The following PAPPA2 variants were observed in gnomAD, a reference collection of about 807,000 sequenced individuals.
The protein encoded by PAPPA2 is pappalysin-2.
Under a neutral mutation model 176.4 loss-of-function variants are expected in PAPPA2, and 86 were observed. The ratio of observed to expected loss-of-function variants is 0.49; its 90% confidence interval spans 0.41 to 0.58. PAPPA2 has a LOEUF of 0.58. Among genes scored for constraint, PAPPA2 ranks in the 20% least tolerant of loss-of-function variants. The pLI is 0.00. For synonymous variants in PAPPA2, 809 were observed against 852.2 expected (o/e 0.95, Z 0.88); for missense variants, 2,073 against 2,256.9 (o/e 0.92, Z 1.65).
At chr1:176,571,120 A>G (rs1020268784) in intron 2 of PAPPA2, among the ~76,000 whole-genome samples, 1 of 152,088 alleles carries the variant, frequency 6.6e-6, no homozygotes, top group African/African-American at 2.4e-5. Context: ...ATGGAGGACA[A>G]TCTGGCTCCT....
chr1:176,634,035 C>CG (rs1458323847), intron 3 of PAPPA2, among the ~76,000 whole-genome samples: 3 of 152,144 alleles, frequency 2.0e-5, no homozygotes, highest in African/African-American at 7.2e-5. Flanking sequence ...GACAGTGTGG[C>CG]GATTCCTCGG....
At chr1:176,464,201 A>T (rs1651509726) in intron 1 of PAPPA2, among the ~76,000 whole-genome samples, 1 of 152,092 alleles carries the variant, frequency 6.6e-6, no homozygotes, top group Non-Finnish European at 1.5e-5. Flanking sequence ...TATGCCTATG[A>T]CCTCATACTC....
At chr1:176,479,540 C>G (rs2102476694) in intron 1 of PAPPA2, among the ~76,000 whole-genome samples, 1 of 152,280 alleles carries the variant, frequency 6.6e-6, no homozygotes, top group African/African-American at 2.4e-5. Flanking sequence ...AGGGAGGAGA[C>G]AGTGTGATTC....
intron 3 of PAPPA2, among the ~76,000 whole-genome samples, chr1:176,607,271 T>A (rs910631741): frequency 1.3e-5 from 2 of 152,184 alleles, no homozygotes; most frequent in African/African-American, 4.8e-5. Context: ...TGTTGTTAAC[T>A]ATAGTCACTC....
At chr1:176,475,962 T>C (rs1030434719) in intron 1 of PAPPA2, among the ~76,000 whole-genome samples, 2 of 152,200 alleles carry the variant, frequency 1.3e-5, no homozygotes, top group Admixed American at 1.3e-4. Flanking sequence ...TTGCAGGCAG[T>C]GTGCAATTTT....
At chr1:176,756,045 A>T (rs1663403463) in intron 14 of PAPPA2, among the ~76,000 whole-genome samples, 1 of 152,018 alleles carries the variant, frequency 6.6e-6, no homozygotes, top group South Asian at 2.1e-4. Flanking sequence ...TGCAATGTCC[A>T]TCTCCCGGGT....
chr1:176,695,886 A>G, intron 7 of PAPPA2, 27 bp downstream of exon 7: 2 of 1,610,978 alleles, frequency 1.2e-6, no homozygotes, highest in Non-Finnish European at 1.7e-6. Flanking sequence ...TTTTTTCTTT[A>G]TACCCTGGTG....
Position 176,791,403 on chromosome 1 carries a change from G to A in PAPPA2, c.4941G>A (p.Glu1647=). Residue 1647 remains glutamate (E), a synonymous_variant, in exon 19 of 23, where the codon GAG becomes GAA. Coordinates refer to ENST00000367662, the MANE Select transcript of PAPPA2 (RefSeq NM_020318.3). ...GLWTQEFKLC[E]NLQGECPPPP... is the part of the protein sequence containing the mutation. ...GGACCCAGGAGTTTAAGTTGTGTGAGAATCTGCAAGGAGAATGCCCACCAC... is the reference window on the plus strand; with the variant it reads ...GGACCCAGGAGTTTAAGTTGTGTGAAAATCTGCAAGGAGAATGCCCACCAC... 1 of 1,612,788 alleles carries A rather than the reference G, an allele frequency of 6.2e-7. No individual in the cohort carries two copies. Among genetic ancestry groups the A allele is most frequent in the Non-Finnish European group, 8.5e-7 (1 of 1,178,942 alleles).
chr1:176,800,139 T>G lies in PAPPA2; in HGVS notation c.5202+7T>G. The G allele has an allele frequency of 6.2e-7, 1 of 1,613,860 alleles. No individual in the cohort carries two copies. The highest frequency in any genetic ancestry group is 8.5e-7 in the Non-Finnish European group (1 of 1,179,802). On this transcript the variant is annotated splice_region_variant and intron_variant, in intron 21 of 22. Transcript: ENST00000367662. ...CTGCATCCAGTCATGTGAGGTAAGATAGCCTCCCCTTCCCCAACTCAGACT... is the reference window on the plus strand; with the variant it reads ...CTGCATCCAGTCATGTGAGGTAAGAGAGCCTCCCCTTCCCCAACTCAGACT...
At chr1:176,517,675 T>C (rs1648990480) in intron 1 of PAPPA2, among the ~76,000 whole-genome samples, 1 of 152,102 alleles carries the variant, frequency 6.6e-6, no homozygotes, top group South Asian at 2.1e-4. Flanking sequence ...TGTAGGTCAG[T>C]GAGTCAGGCA....
intron 18 of PAPPA2, 125 bp downstream of exon 18, chr1:176,790,102 G>C: frequency 9.0e-7 from 1 of 1,110,546 alleles, no homozygotes; most frequent in Non-Finnish European, 1.3e-6. Context: ...ATTCTAATCG[G>C]GAGTGTTGGT....
rs1023647533 is a variant in PAPPA2 at position 176,698,982 on chromosome 1, C to G, written c.2747-118C>G. The G allele has an allele frequency of 5.2e-6, 7 of 1,339,158 alleles. No individual in the cohort carries two copies. In the Admixed American group the frequency reaches 1.1e-4, roughly 22 times the overall value. The allele number at this position is 1,339,158 out of a possible 1,614,324, so 83.0% of individuals were successfully genotyped here. A position where few individuals can be genotyped will look rare whatever the true frequency, so the allele number is the denominator to read the frequency against. ...AGATCTAACCTGCTAAGATGACCAA[C>G]TTCTACAGGAATTCTAAAAGTTCTC... On this transcript the variant is annotated intron_variant, in intron 7 of 22. Coordinates refer to ENST00000367662, the MANE Select transcript of PAPPA2 (RefSeq NM_020318.3).
At chr1:176,695,630 TA>T in intron 6 of PAPPA2, 107 bp from the exon 7 acceptor site, 2 of 1,296,554 alleles carry the variant, frequency 1.5e-6, no homozygotes, top group Non-Finnish European at 1.1e-6. Flanking sequence ...AGGTCCTTAC[TA>T]ACCATCAACC....
intron 4 of PAPPA2, among the ~76,000 whole-genome samples, chr1:176,685,527 G>A (rs1659796099): frequency 6.6e-6 from 1 of 152,196 alleles, no homozygotes; most frequent in Non-Finnish European, 1.5e-5. Flanking sequence ...TCTAGCTTCA[G>A]AAGATAATGC....
chr1:176,712,444 T>A (rs1052521916), intron 12 of PAPPA2, among the ~76,000 whole-genome samples: 14 of 152,224 alleles, frequency 9.2e-5, no homozygotes, highest in Non-Finnish European at 1.5e-4. Flanking sequence ...TTACAGTATG[T>A]ACTCTTTGCA....
intron 2 of PAPPA2, among the ~76,000 whole-genome samples, chr1:176,578,730 CAGAG>C (rs1225007380): frequency 6.6e-6 from 1 of 152,122 alleles, no homozygotes; most frequent in Non-Finnish European, 1.5e-5. Context: ...GCATTTCAGA[CAGAG>C]AGAGATACGT....
At chr1:176,486,296 T>C (rs1367030747) in intron 1 of PAPPA2, among the ~76,000 whole-genome samples, 1 of 152,220 alleles carries the variant, frequency 6.6e-6, no homozygotes, top group African/African-American at 2.4e-5. Context: ...TGCTCAAAAA[T>C]ACTTTTAAAA....
intron 3 of PAPPA2, among the ~76,000 whole-genome samples, chr1:176,665,817 G>A (rs1658609644): frequency 6.6e-6 from 1 of 152,136 alleles, no homozygotes; most frequent in Non-Finnish European, 1.5e-5. Context: ...TATTTCAGAT[G>A]CATTGAAATT....
Position 176,706,413 on chromosome 1 carries a change from C to A in PAPPA2, c.3420C>A (p.Ser1140=). 6.2e-7 allele frequency: 1 copy of A among 1,613,676 alleles called. No individual in the cohort carries two copies. The highest frequency in any genetic ancestry group is 8.5e-7 in the Non-Finnish European group (1 of 1,179,768). Reference sequence around the variant, plus strand: ...ACCTTGTGAGCGGAGATGGCTGCTCCAAGGTGTGTGAGCTGGAGGAAGGTT... The same window carrying A: ...ACCTTGTGAGCGGAGATGGCTGCTCAAAGGTGTGTGAGCTGGAGGAAGGTT... The part of the protein sequence containing the change: ...DGDLVSGDGC[S]KVCELEEGFN... Residue 1140 remains serine (S), a synonymous_variant, in exon 10 of 23, where the codon TCC becomes TCA. Coordinates refer to ENST00000367662, the MANE Select transcript of PAPPA2 (RefSeq NM_020318.3).
Sources: allele counts gnomAD v4.1 joint callset (sites outside exome capture counted in the v4.1 genomes callset), GRCh38; gene constraint gnomAD v4.1.1; transcripts MANE v1.5; gene names NCBI Gene and HGNC (gene_info 2026-07-23, HGNC 2026-07-21).